Variants in SMCHD1 observed in about 807,000 individuals in gnomAD.
SMCHD1 encodes structural maintenance of chromosomes flexible hinge domain-containing protein 1.
SMCHD1 carries 78 observed loss-of-function variants against 254.7 expected under a neutral mutation model. The ratio of observed to expected loss-of-function variants is 0.31; its 90% confidence interval spans 0.26 to 0.37. SMCHD1 has a LOEUF of 0.37. SMCHD1 is among the 10% of genes least tolerant of loss of function. The probability of loss-of-function intolerance (pLI) is 1.00; values close to 1 mark genes in which losing one functional copy is unlikely to be tolerated. For synonymous variants in SMCHD1, 766 were observed against 794.9 expected (o/e 0.96, Z 0.61); for missense variants, 1,840 against 2,408.1 (o/e 0.76, Z 4.94).
At chr18:2,796,359 C>T (rs1231750449) in intron 46 of SMCHD1, 48 bp from the exon 47 acceptor site, 2 of 1,192,366 alleles carry the variant, frequency 1.7e-6, no homozygotes, top group African/African-American at 3.1e-5. Flanking sequence ...TCTCTAATTC[C>T]ATTGTTTTTA....
chr18:2,698,786 G>C (rs1475877740), intron 10 of SMCHD1, among the ~76,000 whole-genome samples: 3 of 151,888 alleles, frequency 2.0e-5, no homozygotes, highest in African/African-American at 7.3e-5. Context: ...CCAAGAGTTA[G>C]AACTTGTATA....
At chr18:2,769,565 C>T in intron 37 of SMCHD1, 129 bp from the exon 38 acceptor site, 1 of 886,530 alleles carries the variant, frequency 1.1e-6, no homozygotes, top group Non-Finnish European at 1.7e-6. Context: ...TCTTAAGGAT[C>T]AGCCTATGCC....
Position 2,763,142 on chromosome 18 carries a change from A to G in SMCHD1, c.4567-495A>G, listed in dbSNP as rs182239295. ...GATGATGGGTTATTCTTCCCTAGAC[A>G]TCTCTTCTTTTCCCAAAACATCTTG... On this transcript the variant is annotated intron_variant, in intron 36 of 47. Coordinates refer to ENST00000320876, the MANE Select transcript of SMCHD1 (RefSeq NM_015295.3). Among the ~76,000 whole-genome samples, 225 of 152,218 alleles carry G rather than the reference A, an allele frequency of 1.5e-3. 1 individual carries two copies. Among genetic ancestry groups the G allele is most frequent in the African/African-American group, 5.3e-3 (221 of 41,502 alleles).
chr18:2,784,993 T>C, intron 45 of SMCHD1: 1 of 345,878 alleles, frequency 2.9e-6, no homozygotes, highest in South Asian at 2.3e-5. Flanking sequence ...AATAAGTCAG[T>C]ATTTTATTAC....
intron 5 of SMCHD1, among the ~76,000 whole-genome samples, chr18:2,687,901 CTT>C (rs2074088325): frequency 6.6e-6 from 1 of 152,140 alleles, no homozygotes; most frequent in South Asian, 2.1e-4. Flanking sequence ...TCCCCGGAGA[CTT>C]TGCCTACATT....
At chr18:2,772,401 C>A in intron 41 of SMCHD1, 29 bp downstream of exon 41, 2 of 1,493,946 alleles carry the variant, frequency 1.3e-6, no homozygotes, top group African/African-American at 1.4e-5. Flanking sequence ...TTTTGAAAGG[C>A]AGTACATTTT....
chr18:2,692,487 A>G (rs1259137938), intron 7 of SMCHD1, among the ~76,000 whole-genome samples: 2 of 152,206 alleles, frequency 1.3e-5, no homozygotes, highest in Non-Finnish European at 2.9e-5. Flanking sequence ...CTAGCCATGC[A>G]GTTAAAGTTG....
intron 17 of SMCHD1, among the ~76,000 whole-genome samples, chr18:2,713,243 T>C (rs1423918685): frequency 6.6e-6 from 1 of 152,188 alleles, no homozygotes; most frequent in South Asian, 2.1e-4. Context: ...TCTAGTACTT[T>C]GTATATAGGA....
chr18:2,780,150 A>T (rs1472703789), intron 44 of SMCHD1, among the ~76,000 whole-genome samples: 1 of 146,556 alleles, frequency 6.8e-6, no homozygotes, highest in African/African-American at 2.5e-5. Flanking sequence ...GAGGCAGGAG[A>T]ATCACTTGAT....
Position 2,796,403 on chromosome 18 carries a change from A to T in SMCHD1, c.5879-4A>T. The T allele has an allele frequency of 6.5e-7, 1 of 1,538,498 alleles. No homozygotes were observed. Among genetic ancestry groups the T allele is most frequent in the African/African-American group, 1.4e-5 (1 of 72,630 alleles). On this transcript the variant is annotated splice_polypyrimidine_tract_variant and splice_region_variant and intron_variant, in intron 46 of 47. Coordinates refer to ENST00000320876, the MANE Select transcript of SMCHD1 (RefSeq NM_015295.3). ...TTAACTTTCTACATTTTCCATCTTCACAGGTATGACTCCCATACGTAAGTG... is the reference window on the plus strand; with the variant it reads ...TTAACTTTCTACATTTTCCATCTTCTCAGGTATGACTCCCATACGTAAGTG...
At chr18:2,769,907 A>G in intron 38 of SMCHD1, 82 bp from the exon 39 acceptor site, 2 of 1,535,672 alleles carry the variant, frequency 1.3e-6, no homozygotes, top group Non-Finnish European at 1.8e-6. Context: ...CTTGGTGTTT[A>G]TTAGCTATCT....
chr18:2,776,859 A>G (rs1286614825), intron 42 of SMCHD1, among the ~76,000 whole-genome samples: 1 of 152,174 alleles, frequency 6.6e-6, no homozygotes, highest in Non-Finnish European at 1.5e-5. Flanking sequence ...AGCATGGGAA[A>G]TCCTGACGGG....
chr18:2,730,460 G>A (rs1392119231), intron 24 of SMCHD1, among the ~76,000 whole-genome samples: 1 of 152,184 alleles, frequency 6.6e-6, no homozygotes, highest in Non-Finnish European at 1.5e-5. Flanking sequence ...GTGAGCCACC[G>A]TGCCTGGCCC....
rs187431457 is a variant in SMCHD1, at chr18:2,675,666, G to A, written c.638+1521G>A. On this transcript the variant is annotated intron_variant, in intron 5 of 47. Coordinates refer to ENST00000320876, the MANE Select transcript of SMCHD1 (RefSeq NM_015295.3). ...AAGGCAAAGACCACTGTCTTTGATAGTGTGAGGATAGGATTTAGCATATCA... is the reference window on the plus strand; with the variant it reads ...AAGGCAAAGACCACTGTCTTTGATAATGTGAGGATAGGATTTAGCATATCA... Among the ~76,000 whole-genome samples, 315 of 152,296 alleles carry A rather than the reference G, an allele frequency of 2.1e-3. 1 individual carries two copies. The highest frequency in any genetic ancestry group is 7.1e-3 in the African/African-American group (293 of 41,550).
In SMCHD1 at chr18:2,656,144, C is replaced by G. The variant is rs1340907541; in HGVS notation, c.69C>G (p.Val23=). 6.7e-7 allele frequency: 1 copy of G among 1,499,910 alleles called. No homozygotes were observed. Among genetic ancestry groups the G allele is most frequent in the Admixed American group, 2.5e-5 (1 of 40,162 alleles). 92.9% of individuals were successfully genotyped at this position (1,499,910 alleles called of 1,614,324 possible). A position where few individuals can be genotyped will look rare whatever the true frequency, so the allele number is the denominator to read the frequency against. Reference sequence around the variant, plus strand: ...GGACTGAGGAGGATGGCGGAGGCGTCGGCCACAGGACGGTGTACTTGTTTG... The same window carrying G: ...GGACTGAGGAGGATGGCGGAGGCGTGGGCCACAGGACGGTGTACTTGTTTG... ...SVGTEEDGGG[V]GHRTVYLFDR... Residue 23 remains valine, a synonymous_variant, in exon 1 of 48, where the codon GTC becomes GTG. Coordinates refer to ENST00000320876, the MANE Select transcript of SMCHD1 (RefSeq NM_015295.3).
At chr18:2,787,795 T>C (rs750262097) in intron 45 of SMCHD1, among the ~76,000 whole-genome samples, 29 of 152,338 alleles carry the variant, frequency 1.9e-4, no homozygotes, top group Admixed American at 7.2e-4. Flanking sequence ...GTTACTAATA[T>C]ATATAAAGTA....
intron 17 of SMCHD1, among the ~76,000 whole-genome samples, chr18:2,709,632 A>G (rs2074622914): frequency 6.6e-6 from 1 of 152,004 alleles, no homozygotes; most frequent in East Asian, 1.9e-4. Flanking sequence ...TACTAAAGAT[A>G]ATTGTGGTTT....
chr18:2,671,216 G>T (rs1163668935), intron 3 of SMCHD1, among the ~76,000 whole-genome samples: 1 of 152,066 alleles, frequency 6.6e-6, no homozygotes, highest in African/African-American at 2.4e-5. Flanking sequence ...GATTACAGGC[G>T]TGAGCCACTG....
rs2075567005 is a variant in SMCHD1 at position 2,751,345 on chromosome 18, C to T, written c.4233C>T (p.Ser1411=). ...AAAACATTAATCCAGCACGTATTTC[C>T]ATGAAAATGTGGAAGCTGTCTACCA... ...IIKNINPARI[S]MKMWKLSTSG... The change falls in exon 33 of 48, where the codon TCC becomes TCT. Residue 1411 remains serine (S), a synonymous_variant. Transcript: ENST00000320876. 6.3e-7 allele frequency: 1 copy of T among 1,578,490 alleles called. No homozygotes were observed.
Sources: allele counts gnomAD v4.1 joint callset (sites outside exome capture counted in the v4.1 genomes callset), GRCh38; gene constraint gnomAD v4.1.1; transcripts MANE v1.5; gene names NCBI Gene and HGNC (gene_info 2026-07-23, HGNC 2026-07-21).